SETD1B: variants seen among roughly 807,000 people sequenced by gnomAD.
SETD1B encodes the protein SET domain containing 1B, histone lysine methyltransferase, also known as histone-lysine N-methyltransferase SETD1B.
A neutral mutation model predicts 148.0 loss-of-function variants in SETD1B; 7 were observed. The observed-to-expected ratio is 0.05, with a 90% confidence interval of 0.03 to 0.09. The LOEUF (loss-of-function observed/expected upper bound fraction) is 0.09, where lower values mean the gene tolerates loss of function less well. Among genes scored for constraint, SETD1B ranks in the 10% least tolerant of loss-of-function variants. The pLI, the probability that SETD1B is intolerant of heterozygous loss-of-function variation, is 1.00. For missense variants in SETD1B, 2,155 were observed against 2,729.9 expected (o/e 0.79, Z 4.69); for synonymous variants, 1,361 against 1,186.5 (o/e 1.15, Z -3.02).
At chr12:121,807,820 C>T (rs1875823583) in intron 4 of SETD1B, among the ~76,000 whole-genome samples, 1 of 151,988 alleles carries the variant, frequency 6.6e-6, no homozygotes, top group South Asian at 2.1e-4. Context: ...CACGGGCTTC[C>T]CTTCCTCTTA....
At chr12:121,828,476 T>C (rs1279918107) in intron 16 of SETD1B, among the ~76,000 whole-genome samples, 1 of 152,252 alleles carries the variant, frequency 6.6e-6, no homozygotes. Context: ...GTGCTGTGGG[T>C]TAGCCACATG....
rs187887537 is a variant in SETD1B, at chr12:121,822,474, G to C, written c.3911-16G>C. ...ATTGAATAGTAAATGTCTCGTGTTC[G>C]CTCACCTCTCTGCAGAACATGACCT... On this transcript the variant is annotated splice_polypyrimidine_tract_variant and intron_variant, in intron 11 of 16. Transcript: ENST00000604567. 186 of 1,521,318 alleles carry C rather than the reference G, an allele frequency of 1.2e-4. 1 individual carries two copies. In the African/African-American group the frequency reaches 2.2e-3, roughly 18 times the overall value. The allele number at this position is 1,521,318 out of a possible 1,614,324, so 94.2% of individuals were successfully genotyped here. A position where few individuals can be genotyped will look rare whatever the true frequency, so the allele number is the denominator to read the frequency against.
At chr12:121,803,396 A>G (rs1184000023), upstream of SETD1B, 3 of 152,446 alleles carry the variant, frequency 2.0e-5, no homozygotes, top group East Asian at 1.9e-4. This position sits in a 1 kb window ranked among gnomAD's most constrained non-coding sequence, Gnocchi z 4.7. Context: ...GAAGGCGTCT[A>G]TCGCCCAGGT....
chr12:121,827,413 A>T, intron 13 of SETD1B, 106 bp from the exon 14 acceptor site: 1 of 1,381,624 alleles, frequency 7.2e-7, no homozygotes. Context: ...GGAGAAGCCC[A>T]GAGCAAGGAG....
In SETD1B at chr12:121,809,770, C is replaced by G. The variant is rs963992722; in HGVS notation, c.825C>G (p.Leu275=). ...TPNSYGQGTP[L]TPRLGTPFSQ... is the part of the protein sequence containing the mutation. ...ACTCCTATGGACAGGGCACCCCGCTCACACCGCGCCTGGGCACCCCTTTCT... is the reference window on the plus strand; with the variant it reads ...ACTCCTATGGACAGGGCACCCCGCTGACACCGCGCCTGGGCACCCCTTTCT... Residue 275 remains leucine, a synonymous_variant, in exon 6 of 17, where the codon CTC becomes CTG. Transcript: ENST00000604567. 7 of 1,551,480 alleles carry G rather than the reference C, an allele frequency of 4.5e-6. No homozygotes were observed. The African/African-American group carries it at 9.6e-5, about 21-fold the overall frequency.
the SETD1B span, chr12:121,797,312 T>G: frequency 1.5e-5 from 6 of 390,786 alleles, no homozygotes; most frequent in Non-Finnish European, 3.0e-5. Flanking sequence ...GCCCTTCCGC[T>G]GGCGTGGCCC....
upstream of SETD1B, chr12:121,799,720 G>C (rs932916108): frequency 1.6e-5 from 2 of 126,506 alleles, no homozygotes; most frequent in Non-Finnish European, 3.5e-5. Flanking sequence ...TCGCAGCTGG[G>C]GGGGGGGGGG....
chr12:121,792,259 T>C, the SETD1B span, among the ~76,000 whole-genome samples: 1 of 152,124 alleles, frequency 6.6e-6, no homozygotes, highest in Non-Finnish European at 1.5e-5. Context: ...GATGACGTGG[T>C]TCCCTGCAGG....
intron 13 of SETD1B, among the ~76,000 whole-genome samples, chr12:121,825,667 C>T (rs1215233498): frequency 6.6e-6 from 1 of 151,734 alleles, no homozygotes; most frequent in East Asian, 1.9e-4. Flanking sequence ...TAGGGGGGGA[C>T]AAAGCCTTGC....
In SETD1B at chr12:121,817,230, C is replaced by T. The variant is rs1195125258; in HGVS notation, c.2913C>T (p.Asp971=). 5 of 1,550,926 alleles carry T rather than the reference C, an allele frequency of 3.2e-6. No homozygotes were observed. The Admixed American group carries it at 7.8e-5, about 24-fold the overall frequency. Residue 971 remains aspartate, a synonymous_variant, in exon 8 of 17, where the codon GAC becomes GAT. Transcript: ENST00000604567. This position sits in a 1 kb window ranked among gnomAD's most constrained non-coding sequence, Gnocchi z 8.1. ...AGGTCAAGAGGAAGGAGCCACCAGA[C>T]ACCACCTCATCTGGCGACCAGAAGC... The part of the protein sequence containing the change: ...SFKVKRKEPP[D]TTSSGDQKRL...
rs1338286616 is a variant in SETD1B at position 121,823,371 on chromosome 12, C to T, written c.4792C>T (p.Pro1598Ser). ...GCCACCCCCACCCCCACCTCCCCCA[C>T]CTGTAGAGCCCACCAAGCTGCCCTT... ...PQPPPPPPPP[P>S]VEPTKLPFKE... Residue 1598 changes from proline (P) to serine (S), a missense_variant, in exon 12 of 17, where the codon CCT becomes TCT. Pro to Ser is a moderately conservative substitution (Grantham distance 74). This residue lies in a region of SETD1B where 862 missense variants were observed against 873.8 expected (regional missense o/e 0.99). Coordinates refer to ENST00000604567, the MANE Select transcript of SETD1B (RefSeq NM_001353345.2). 1.4e-5 allele frequency: 21 copies of T among 1,536,444 alleles called. No individual in the cohort carries two copies. The African/African-American group carries it at 1.7e-4, about 12-fold the overall frequency.
chr12:121,805,706 A>G lies in SETD1B; in HGVS notation c.274-129A>G, dbSNP rs1184783268. The G allele has an allele frequency of 1.5e-6, 1 of 672,832 alleles. No individual in the cohort carries two copies. Among genetic ancestry groups the G allele is most frequent in the South Asian group, 5.5e-5 (1 of 18,312 alleles). 41.7% of individuals were successfully genotyped at this position (672,832 alleles called of 1,614,324 possible). A position where few individuals can be genotyped will look rare whatever the true frequency, so the allele number is the denominator to read the frequency against. On this transcript the variant is annotated intron_variant, in intron 3 of 16. Transcript: ENST00000604567. This position sits in a 1 kb window ranked among gnomAD's most constrained non-coding sequence, Gnocchi z 4.2. ...CAAAAAAAATTTTTTTTTTTTTTTT[A>G]ATTTTTAGTTTTTTTACCCTTTATT...
rs1875995993 is a variant in SETD1B at position 121,810,775 on chromosome 12, A to G, written c.1830A>G (p.Thr610=). 6.5e-7 allele frequency: 1 copy of G among 1,545,158 alleles called. No homozygotes were observed. Among genetic ancestry groups the G allele is most frequent in the Non-Finnish European group, 8.8e-7 (1 of 1,142,572 alleles). The change falls in exon 6 of 17, where the codon ACA becomes ACG. Residue 610 remains threonine, a synonymous_variant. Coordinates refer to ENST00000604567, the MANE Select transcript of SETD1B (RefSeq NM_001353345.2). This position sits in a 1 kb window ranked among gnomAD's most constrained non-coding sequence, Gnocchi z 7.6. ...ACCCTGCTGGGCTTCTGAGCCAGAC[A>G]GCTGAGGTGGCCTTGGACCTGGTTG... The part of the protein sequence containing the change: ...PPDPAGLLSQ[T]AEVALDLVGD...
intron 7 of SETD1B, among the ~76,000 whole-genome samples, chr12:121,816,509 T>G (rs1306506843): frequency 1.3e-5 from 2 of 152,242 alleles, no homozygotes; most frequent in Non-Finnish European, 2.9e-5. Context: ...ACAATTTGAA[T>G]AAAAAGAGCC....
At position 121,831,194 on chromosome 12, in the gene SETD1B, G is replaced by T. The variant is rs1877077296; in HGVS notation, c.*955G>T. ...CGGGTCCCCCAGTCCCGCCATTACG[G>T]GTTGTCAGACCGTCTGCGTGTGGCA... On this transcript the variant is annotated 3_prime_UTR_variant, in exon 17 of 17. Coordinates refer to ENST00000604567, the MANE Select transcript of SETD1B (RefSeq NM_001353345.2). 1 of 152,124 alleles carries T rather than the reference G, an allele frequency of 6.6e-6. No homozygotes were observed. Among genetic ancestry groups the T allele is most frequent in the African/African-American group, 2.4e-5 (1 of 41,404 alleles). The allele number at this position is 152,124 out of a possible 1,614,324, so 9.4% of individuals were successfully genotyped here.
chr12:121,811,893 G>A (rs1383837758), intron 6 of SETD1B, among the ~76,000 whole-genome samples: 1 of 152,188 alleles, frequency 6.6e-6, no homozygotes. Flanking sequence ...TCCAGGCAGG[G>A]GGCCTTGGCA....
In SETD1B at chr12:121,817,555, TCCTCAACCACCTCAC is replaced by T. The variant is rs1876354621; in HGVS notation, c.3168_3182del (p.Thr1057_Ser1061del). The T allele has an allele frequency of 6.4e-7, 1 of 1,551,154 alleles. No homozygotes were observed. The highest frequency in any genetic ancestry group is 1.4e-5 in the African/African-American group (1 of 72,980). ...CTCATCCGCGTCATCATCCTCGGGG[TCCTCAACCACCTCAC>T]CCTCGTCCTCGGCCTCCGACAAGGA... On this transcript the variant is annotated inframe_deletion, in exon 9 of 17. Transcript: ENST00000604567. The surrounding 1 kb of genome is among the most constrained non-coding windows in gnomAD (Gnocchi z 8.1).
chr12:121,817,694 C>G lies in SETD1B; in HGVS notation c.3302C>G (p.Thr1101Arg). The G allele has an allele frequency of 6.5e-7, 1 of 1,547,108 alleles. No individual in the cohort carries two copies. The highest frequency in any genetic ancestry group is 8.7e-7 in the Non-Finnish European group (1 of 1,143,766). Residue 1101 changes from threonine (T) to arginine (R), a missense_variant, in exon 9 of 17, where the codon ACA becomes AGA. Coordinates refer to ENST00000604567, the MANE Select transcript of SETD1B (RefSeq NM_001353345.2). The surrounding 1 kb of genome is among the most constrained non-coding windows in gnomAD (Gnocchi z 8.1). Reference protein sequence around the residue: ...SQLSSSSTSSTSDKDDDDDDS... With the variant: ...SQLSSSSTSSRSDKDDDDDDS... ...CTCTCCTCCTCCTCAACCTCATCCA[C>G]ATCAGATAAGGTGCCTAGCAGGCCA... is the stretch of plus-strand genomic sequence containing the variant.
chr12:121,795,622 C>A, the SETD1B span: 1 of 152,346 alleles, frequency 6.6e-6, no homozygotes, highest in Non-Finnish European at 1.5e-5. Context: ...AGCTACCAGC[C>A]GGGCCCTGAG....
Sources: allele counts gnomAD v4.1 joint callset (sites outside exome capture counted in the v4.1 genomes callset), GRCh38; gene constraint gnomAD v4.1.1; regional missense constraint gnomAD v4.1.1; non-coding constraint Gnocchi (gnomAD v3.1); transcripts MANE v1.5; gene names NCBI Gene and HGNC (gene_info 2026-07-23, HGNC 2026-07-21).